RFC3: variants seen among roughly 807,000 people sequenced by gnomAD.
The protein encoded by RFC3 is A1 38 kDa subunit.
In RFC3, 41 loss-of-function variants were observed where a neutral mutation model predicts 45.1. The ratio of observed to expected loss-of-function variants is 0.91; its 90% CI spans 0.71 to 1.18. RFC3 has a LOEUF of 1.18. Among genes scored for constraint, RFC3 ranks in the 50% most tolerant of loss-of-function variants. The probability of loss-of-function intolerance (pLI) is 0.00; values close to 1 mark genes in which losing one functional copy is unlikely to be tolerated. For missense variants in RFC3, 423 were observed against 428.1 expected, an observed-to-expected ratio of 0.99 and a Z score of 0.10; for synonymous variants, 149 against 144.0, an observed-to-expected ratio of 1.03 and a Z score of -0.25.
chr13:33,920,965 A>G (rs142795483), intron 8 of RFC3, among the ~76,000 whole-genome samples: 1 of 152,254 alleles, frequency 6.6e-6, no homozygotes, highest in African/African-American at 2.4e-5. Context: ...TACCTCGTAT[A>G]TGCCTCAGTT....
chr13:33,901,565 AG>A (rs1409794394), intron 8 of RFC3, among the ~76,000 whole-genome samples: 1 of 152,112 alleles, frequency 6.6e-6, no homozygotes, highest in East Asian at 1.9e-4. Context: ...GATGAAGAGA[AG>A]TTAATTAATT....
intron 8 of RFC3, among the ~76,000 whole-genome samples, chr13:33,917,430 T>C (rs2082740070): frequency 1.3e-5 from 2 of 152,156 alleles, no homozygotes; most frequent in South Asian, 2.1e-4. Flanking sequence ...CACACGCTGC[T>C]GTTTCCAGGG....
downstream of RFC3, among the ~76,000 whole-genome samples, chr13:33,842,449 C>G (rs75432571): frequency 6.6e-6 from 1 of 152,282 alleles, no homozygotes; most frequent in East Asian, 1.9e-4. Context: ...CTGCTACTTG[C>G]GTGTTAGTAA....
intron 8 of RFC3, among the ~76,000 whole-genome samples, chr13:33,962,879 G>A (rs1282368297): frequency 6.6e-6 from 1 of 152,068 alleles, no homozygotes; most frequent in African/African-American, 2.4e-5. Context: ...AATTCACTGG[G>A]CATCAGGATG....
At chr13:33,876,534 A>G (rs1240472791) in intron 8 of RFC3, among the ~76,000 whole-genome samples, 1 of 152,244 alleles carries the variant, frequency 6.6e-6, no homozygotes, top group Non-Finnish European at 1.5e-5. Flanking sequence ...TTAGTAGTAT[A>G]TAAATTCCCT....
At chr13:33,923,135 A>G (rs148996211) in intron 8 of RFC3, among the ~76,000 whole-genome samples, 163 of 152,282 alleles carry the variant, frequency 1.1e-3, no homozygotes, top group African/African-American at 3.6e-3. Context: ...TTAAAGAACT[A>G]AATAATAATA....
intron 8 of RFC3, among the ~76,000 whole-genome samples, chr13:33,944,991 T>C (rs1467401644): frequency 6.6e-6 from 1 of 152,190 alleles, no homozygotes; most frequent in Non-Finnish European, 1.5e-5. Context: ...TTTTTGTTTT[T>C]GTTGTTATTC....
chr13:33,894,211 G>A (rs765496840), intron 8 of RFC3, among the ~76,000 whole-genome samples: 40 of 152,174 alleles, frequency 2.6e-4, no homozygotes, highest in Non-Finnish European at 5.6e-4. Context: ...CTGCCTCTGG[G>A]ATATAGACCT....
At position 33,950,207 on chromosome 13, in the gene RFC3, TAAAATTAATA is replaced by T. The variant is rs1319504187; in HGVS notation, c.880-15878_880-15869del. On this transcript the variant is annotated intron_variant, in intron 8 of 8. Transcript: ENST00000434425. ...TCATGTACTTTGAGTTTAGATTTGATAAAATTAATAACTTTTACTGTTTCTTCAGGGATGT... is the reference window on the plus strand; with the variant it reads ...TCATGTACTTTGAGTTTAGATTTGATACTTTTACTGTTTCTTCAGGGATGT... 3.3e-5 allele frequency among the ~76,000 whole-genome samples: 5 copies of T among 152,174 alleles called. No homozygotes were observed. The East Asian group carries it at 9.6e-4, about 29-fold the overall frequency.
At chr13:33,957,934 T>G (rs2083032048) in intron 8 of RFC3, among the ~76,000 whole-genome samples, 1 of 152,124 alleles carries the variant, frequency 6.6e-6, no homozygotes, top group South Asian at 2.1e-4. Context: ...TGTAGGAAAT[T>G]AGGAATACAA....
At chr13:33,945,612 A>G (rs922654137) in intron 8 of RFC3, among the ~76,000 whole-genome samples, 4 of 152,182 alleles carry the variant, frequency 2.6e-5, no homozygotes, top group African/African-American at 9.7e-5. Context: ...CTCAAGTGAT[A>G]TTAAAATACA....
At chr13:33,911,590 G>A (rs559585880) in intron 8 of RFC3, among the ~76,000 whole-genome samples, 9 of 152,144 alleles carry the variant, frequency 5.9e-5, no homozygotes, top group South Asian at 4.2e-4. Context: ...ATCAGCTTTC[G>A]GTGAGGGCTT....
intron 8 of RFC3, among the ~76,000 whole-genome samples, chr13:33,947,382 G>A (rs2082960879): frequency 6.6e-6 from 1 of 152,136 alleles, no homozygotes; most frequent in Non-Finnish European, 1.5e-5. Flanking sequence ...CCTCAGCCAT[G>A]CGAAACTATA....
downstream of RFC3, among the ~76,000 whole-genome samples, chr13:33,969,910 G>GT (rs61104193): frequency 0.026 from 3,409 of 130,250 alleles, 58 homozygotes; most frequent in African/African-American, 0.034. Flanking sequence ...TGTCAGATTT[G>GT]TTTTTTTTTT....
chr13:33,851,628 CAG>C (rs1035904559), intron 8 of RFC3, among the ~76,000 whole-genome samples: 25 of 152,144 alleles, frequency 1.6e-4, no homozygotes, highest in African/African-American at 5.8e-4. Flanking sequence ...TTTGCTGTCT[CAG>C]GGGTGGCAGA....
intron 8 of RFC3, among the ~76,000 whole-genome samples, chr13:33,942,556 A>G (rs2082931387): frequency 6.6e-6 from 1 of 152,120 alleles, no homozygotes. Context: ...TCCATATTTC[A>G]CATACTCTTC....
chr13:33,857,460 G>C (rs145077402), intron 8 of RFC3, among the ~76,000 whole-genome samples: 1 of 152,288 alleles, frequency 6.6e-6, no homozygotes, highest in East Asian at 1.9e-4. Flanking sequence ...GCTCAGTGCA[G>C]GGTGTGGGCT....
intron 8 of RFC3, among the ~76,000 whole-genome samples, chr13:33,951,065 G>GTTTTTTTTTTTTTTTTTTTTTTTTT (rs2082987452): frequency 2.0e-5 from 1 of 51,160 alleles, no homozygotes. Context: ...TTTTTTTTTG[G>GTTTTTTTTTTTTTTTTTTTTTTTTT]AAATCTGTCA....
intron 8 of RFC3, among the ~76,000 whole-genome samples, chr13:33,908,706 A>G (rs889043042): frequency 4.6e-5 from 7 of 151,304 alleles, no homozygotes; most frequent in African/African-American, 1.7e-4. Context: ...CTCAGAATCT[A>G]TAGTTTGGGC....
Sources: allele counts gnomAD v4.1 joint callset (sites outside exome capture counted in the v4.1 genomes callset), GRCh38; gene constraint gnomAD v4.1.1; transcripts MANE v1.5; gene names NCBI Gene and HGNC (gene_info 2026-07-23, HGNC 2026-07-21).